CC2D1B: variants seen among roughly 807,000 people sequenced by gnomAD.
CC2D1B encodes coiled-coil and C2 domain containing 1B.
Under a neutral mutation model 110.8 loss-of-function variants are expected in CC2D1B, and 92 were observed. That is an observed-to-expected ratio of 0.83 (90% CI 0.70 to 0.99). The LOEUF (loss-of-function observed/expected upper bound fraction) is 0.99. Among genes scored for constraint, CC2D1B ranks in the 50% least tolerant of loss-of-function variants. The probability of loss-of-function intolerance (pLI) is 0.00; values close to 1 mark genes in which losing one functional copy is unlikely to be tolerated. For missense variants in CC2D1B, 1,136 were observed against 1,089.0 expected, an observed-to-expected ratio of 1.04 and a Z score of -0.61; for synonymous variants, 406 against 429.2, an observed-to-expected ratio of 0.95 and a Z score of 0.67.
At chr1:52,362,455 G>C (rs550472410) in intron 3 of CC2D1B, 147 bp downstream of exon 3, 11 of 954,678 alleles carry the variant, frequency 1.2e-5, no homozygotes, top group African/African-American at 1.6e-5. Context: ...AGCAGGGCGA[G>C]GCCGCCTCTT....
intron 5 of CC2D1B, 149 bp from the exon 6 acceptor site, chr1:52,360,698 C>A (rs556769137): frequency 1.6e-6 from 2 of 1,225,448 alleles, no homozygotes; most frequent in South Asian, 3.1e-5. Context: ...CAAAGGCTCA[C>A]TGGAGAGGCC....
At chr1:52,362,231 T>C (rs1336463402) in intron 3 of CC2D1B, among the ~76,000 whole-genome samples, 1 of 152,230 alleles carries the variant, frequency 6.6e-6, no homozygotes, top group East Asian at 1.9e-4. Flanking sequence ...CTGAAGTCTC[T>C]GTTCTCATCT....
At chr1:52,364,677 G>A (rs1425875585) in intron 1 of CC2D1B, 43 bp from the exon 2 acceptor site, 1 of 1,368,092 alleles carries the variant, frequency 7.3e-7, no homozygotes, top group Non-Finnish European at 1.0e-6. Context: ...TAGCCCATAA[G>A]CCACGCCCCC....
intron 12 of CC2D1B, 46 bp downstream of exon 12, chr1:52,358,640 C>T (rs1646707150): frequency 5.0e-6 from 8 of 1,597,040 alleles, no homozygotes; most frequent in Middle Eastern, 1.7e-4. Flanking sequence ...CCCTTCTTGC[C>T]CAGGGACCAC....
At chr1:52,356,629 C>A in intron 16 of CC2D1B, 187 bp from the exon 17 acceptor site, 1 of 651,360 alleles carries the variant, frequency 1.5e-6, no homozygotes, top group Non-Finnish European at 2.6e-6. Flanking sequence ...TTGTCATTTT[C>A]TCTTCTGAGG....
intron 21 of CC2D1B, 21 bp downstream of exon 21, chr1:52,355,377 A>C: frequency 6.2e-7 from 1 of 1,613,318 alleles, no homozygotes; most frequent in Non-Finnish European, 8.5e-7. Flanking sequence ...GAGGAGAAAG[A>C]GGCCCACGTG....
intron 23 of CC2D1B, chr1:52,353,869 A>G: frequency 2.2e-6 from 1 of 459,184 alleles, no homozygotes; most frequent in Non-Finnish European, 3.9e-6. Context: ...AATCCAGACA[A>G]GCATCCTAGA....
In CC2D1B at chr1:52,354,705, A is replaced by G. The variant is rs773042929; in HGVS notation, c.2340-7T>C. 6.2e-7 allele frequency: 1 copy of G among 1,614,016 alleles called. No individual in the cohort carries two copies. Among genetic ancestry groups the G allele is most frequent in the Non-Finnish European group, 8.5e-7 (1 of 1,179,906 alleles). ...GTCGCTTCTGAAGAAGGACCTGGGG[A>G]GTCAAGAGGCAGCAGAGGATTGGAC... On this transcript the variant is annotated splice_region_variant and splice_polypyrimidine_tract_variant and intron_variant, in intron 22 of 24. Coordinates refer to ENST00000284376, the MANE Select transcript of CC2D1B (RefSeq NM_001330585.2).
rs768496404 is a variant in CC2D1B at position 52,355,852 on chromosome 1, C to G, written c.2055-8G>C. The G allele has an allele frequency of 1.2e-6, 2 of 1,614,008 alleles. No individual in the cohort carries two copies. The highest frequency in any genetic ancestry group is 2.2e-5 in the South Asian group (2 of 91,082). On this transcript the variant is annotated splice_polypyrimidine_tract_variant and splice_region_variant and intron_variant, in intron 18 of 24. Coordinates refer to ENST00000284376, the MANE Select transcript of CC2D1B (RefSeq NM_001330585.2). Reference sequence around the variant, plus strand: ...TTGAGTTCTGAGAAGATCCTAGAGCCAAGCGGGAAGGAGAAAATGCTCAAA... The same window carrying G: ...TTGAGTTCTGAGAAGATCCTAGAGCGAAGCGGGAAGGAGAAAATGCTCAAA...
intron 3 of CC2D1B, among the ~76,000 whole-genome samples, chr1:52,362,263 C>T (rs764840058): frequency 6.6e-6 from 1 of 152,242 alleles, no homozygotes; most frequent in Non-Finnish European, 1.5e-5. Flanking sequence ...GGAGATTCCA[C>T]TTAACTCGCT....
rs1379126852 is a variant in CC2D1B at position 52,351,074 on chromosome 1, GA to G, written c.*2150del. 6.6e-6 allele frequency: 1 copy of G among 152,204 alleles called. No homozygotes were observed. Among genetic ancestry groups the G allele is most frequent in the Non-Finnish European group, 1.5e-5 (1 of 68,050 alleles). 9.4% of individuals were successfully genotyped at this position (152,204 alleles called of 1,614,324 possible). On this transcript the variant is annotated 3_prime_UTR_variant, in exon 25 of 25. Coordinates refer to ENST00000284376, the MANE Select transcript of CC2D1B (RefSeq NM_001330585.2). The stretch of plus-strand genomic sequence containing the variant: ...TTTCCTGTATGTGGATAAATCTCAG[GA>G]CAAGATGAAGCTGGGACAGGCTCCT...
chr1:52,355,322 G>A (rs906755549), intron 21 of CC2D1B, 76 bp downstream of exon 21: 17 of 1,481,062 alleles, frequency 1.1e-5, no homozygotes, highest in Non-Finnish European at 1.6e-5. Context: ...GGGCATAGAT[G>A]GGAACCCACT....
chr1:52,356,086 G>C (rs1241883302), intron 18 of CC2D1B, 100 bp downstream of exon 18: 2 of 1,128,408 alleles, frequency 1.8e-6, no homozygotes, highest in Non-Finnish European at 2.6e-6. Context: ...AGCGGGGCCA[G>C]GCTTGGGAAG....
In CC2D1B at chr1:52,351,704, T is replaced by C. The variant is rs551427909; in HGVS notation, c.*1521A>G. On this transcript the variant is annotated 3_prime_UTR_variant, in exon 25 of 25. Transcript: ENST00000284376. ...TTCGAGACCAGCCTGACCAACATGG[T>C]GAAACACCGTCTCTACTAAAAATAA... 152 of 151,958 alleles carry C rather than the reference T, an allele frequency of 1.0e-3. No homozygotes were observed. The highest frequency in any genetic ancestry group is 3.4e-3 in the African/African-American group (141 of 41,444). 9.4% of individuals were successfully genotyped at this position (151,958 alleles called of 1,614,324 possible).
At chr1:52,364,682 G>T in intron 1 of CC2D1B, 48 bp from the exon 2 acceptor site, 1 of 1,271,420 alleles carries the variant, frequency 7.9e-7, no homozygotes, top group Non-Finnish European at 1.1e-6. Flanking sequence ...CATAAGCCAC[G>T]CCCCCAACAG....
chr1:52,359,220 C>T, intron 10 of CC2D1B, 30 bp downstream of exon 10: 1 of 1,611,092 alleles, frequency 6.2e-7, no homozygotes, highest in Non-Finnish European at 8.5e-7. Context: ...CTGCAGGTCC[C>T]CACGCCACAG....
Position 52,358,245 on chromosome 1 carries a change from G to A in CC2D1B, c.1461+86C>T. On this transcript the variant is annotated intron_variant, in intron 13 of 24. Coordinates refer to ENST00000284376, the MANE Select transcript of CC2D1B (RefSeq NM_001330585.2). ...GAGGAAAGAATATGTACCTTATTGG[G>A]CTTGTTAGTATGGACAACAGGGTCT... 10 of 1,519,334 alleles carry A rather than the reference G, an allele frequency of 6.6e-6. No individual in the cohort carries two copies. In the South Asian group the frequency reaches 8.9e-5, roughly 14 times the overall value. 94.1% of individuals were successfully genotyped at this position (1,519,334 alleles called of 1,614,324 possible). A position where few individuals can be genotyped will look rare whatever the true frequency, so the allele number is the denominator to read the frequency against.
rs944004545 is a variant in CC2D1B at position 52,352,238 on chromosome 1, A to G, written c.*987T>C. The G allele has an allele frequency of 1.3e-5, 2 of 152,268 alleles. No homozygotes were observed. Among genetic ancestry groups the G allele is most frequent in the Non-Finnish European group, 2.9e-5 (2 of 68,042 alleles). The allele number at this position is 152,268 out of a possible 1,614,324, so 9.4% of individuals were successfully genotyped here. ...CAGTTTTGAATATTAAATCTCTTACAACTACAAACCCCTTCATAGTCTCCA... is the reference window on the plus strand; with the variant it reads ...CAGTTTTGAATATTAAATCTCTTACGACTACAAACCCCTTCATAGTCTCCA... On this transcript the variant is annotated 3_prime_UTR_variant, in exon 25 of 25. Transcript: ENST00000284376.
intron 18 of CC2D1B, 83 bp from the exon 19 acceptor site, chr1:52,355,927 C>G: frequency 1.4e-6 from 2 of 1,417,524 alleles, no homozygotes; most frequent in Non-Finnish European, 2.0e-6. Flanking sequence ...GCCTGTCTGC[C>G]CAGCTGGGTG....
Sources: gnomAD v4.1 joint callset for allele counts (sites outside exome capture counted in the v4.1 genomes callset) on GRCh38, gnomAD v4.1.1 for gene constraint, MANE v1.5 for transcripts, NCBI Gene and HGNC (gene_info 2026-07-23, HGNC 2026-07-21) for gene names.